The following CSMD3 variants were observed in gnomAD, a reference collection of about 807,000 sequenced individuals.
The protein encoded by CSMD3 is CUB and sushi domain-containing protein 3.
Under a neutral mutation model 435.2 loss-of-function variants are expected in CSMD3, and 177 were observed. The observed-to-expected ratio is 0.41, with a 90% CI of 0.36 to 0.46. The LOEUF (loss-of-function observed/expected upper bound fraction) is 0.46. Among genes scored for constraint, CSMD3 ranks in the 20% least tolerant of loss-of-function variants. The pLI, the probability that CSMD3 is intolerant of heterozygous loss-of-function variation, is 0.34. For synonymous variants in CSMD3, 1,656 were observed against 1,520.5 expected (o/e 1.09, Z -2.07); for missense variants, 4,265 against 4,504.6 (o/e 0.95, Z 1.52).
intron 1 of CSMD3, among the ~76,000 whole-genome samples, chr8:113,392,782 A>G: frequency 6.6e-6 from 1 of 152,064 alleles, no homozygotes; most frequent in East Asian, 1.9e-4. Flanking sequence ...ATTTATGAAG[A>G]ACTTTCATAT....
intron 6 of CSMD3, among the ~76,000 whole-genome samples, chr8:112,991,647 TA>T (rs1379443480): frequency 4.6e-5 from 7 of 151,766 alleles, no homozygotes; most frequent in Admixed American, 1.3e-4. Context: ...TAAAAAGTAA[TA>T]TACCAGTCAG....
At chr8:113,042,115 C>G (rs2087646153) in intron 5 of CSMD3, among the ~76,000 whole-genome samples, 1 of 152,112 alleles carries the variant, frequency 6.6e-6, no homozygotes, top group South Asian at 2.1e-4. Context: ...TCATGAAACA[C>G]TAGCTTCATT....
At chr8:112,741,138 A>G (rs2077295421) in intron 13 of CSMD3, among the ~76,000 whole-genome samples, 1 of 151,854 alleles carries the variant, frequency 6.6e-6, no homozygotes, top group Non-Finnish European at 1.5e-5. Context: ...AGTGTCTAGA[A>G]AGGCAGAAAT....
intron 3 of CSMD3, among the ~76,000 whole-genome samples, chr8:113,264,270 G>A (rs892579643): frequency 6.6e-6 from 1 of 151,506 alleles, no homozygotes; most frequent in South Asian, 2.1e-4. Flanking sequence ...TGGCCTTTGA[G>A]TGAAAAATAG....
chr8:112,352,667 C>T (rs1586851782), intron 38 of CSMD3, 133 bp from the exon 39 acceptor site: 1 of 780,806 alleles, frequency 1.3e-6, no homozygotes, highest in South Asian at 1.4e-5. Flanking sequence ...TGAGAACGTT[C>T]TGTGAACAAG....
intron 70 of CSMD3, among the ~76,000 whole-genome samples, chr8:112,226,890 A>C (rs2129799793): frequency 6.6e-6 from 1 of 152,306 alleles, no homozygotes; most frequent in African/African-American, 2.4e-5. Flanking sequence ...AATAAAAAAC[A>C]AAAGACAAAG....
chr8:112,874,589 A>T (rs934775037), intron 10 of CSMD3, among the ~76,000 whole-genome samples: 8 of 152,080 alleles, frequency 5.3e-5, no homozygotes, highest in Admixed American at 4.6e-4. Flanking sequence ...GTTCTCCTGT[A>T]TTGGGTGCAT....
At chr8:112,500,998 G>A (rs533581071) in intron 30 of CSMD3, among the ~76,000 whole-genome samples, 187 of 152,126 alleles carry the variant, frequency 1.2e-3, no homozygotes, top group Admixed American at 3.9e-3. Context: ...CTCAGACACC[G>A]CTTCCTCAAG....
intron 3 of CSMD3, among the ~76,000 whole-genome samples, chr8:113,198,262 G>T (rs965249100): frequency 6.6e-6 from 1 of 151,118 alleles, no homozygotes; most frequent in Non-Finnish European, 1.5e-5. Context: ...ACTTCCACAC[G>T]TGGATTACTT....
At chr8:112,593,657 A>G (rs1351674804) in intron 22 of CSMD3, among the ~76,000 whole-genome samples, 2 of 152,170 alleles carry the variant, frequency 1.3e-5, no homozygotes, top group Non-Finnish European at 1.5e-5. Context: ...GCAAAATAAG[A>G]CCAAGGTACA....
chr8:112,261,775 G>A (rs1365867258), intron 61 of CSMD3, among the ~76,000 whole-genome samples: 1 of 151,868 alleles, frequency 6.6e-6, no homozygotes, highest in Non-Finnish European at 1.5e-5. Flanking sequence ...CACCCATCAT[G>A]AGTCTATAGA....
intron 3 of CSMD3, among the ~76,000 whole-genome samples, chr8:113,211,721 A>G (rs541828861): frequency 6.6e-6 from 1 of 152,234 alleles, no homozygotes; most frequent in East Asian, 1.9e-4. Flanking sequence ...TAATAAAAGC[A>G]TGCAAAGTTC....
chr8:112,884,416 T>C (rs1231936376), intron 10 of CSMD3, among the ~76,000 whole-genome samples: 3 of 151,784 alleles, frequency 2.0e-5, no homozygotes, highest in Non-Finnish European at 4.4e-5. Flanking sequence ...ATTATCAGAT[T>C]CATGTAGGGT....
At chr8:113,080,580 G>A (rs536904810) in intron 5 of CSMD3, among the ~76,000 whole-genome samples, 1 of 152,088 alleles carries the variant, frequency 6.6e-6, no homozygotes, top group South Asian at 2.1e-4. Context: ...AAAATATAAT[G>A]GAAACCCAAA....
intron 57 of CSMD3, 67 bp downstream of exon 57, chr8:112,289,298 G>A (rs542069421): frequency 1.4e-5 from 18 of 1,257,552 alleles, no homozygotes; most frequent in Admixed American, 6.7e-5. Flanking sequence ...TTGTGTATAC[G>A]TTGCTACTAC....
At chr8:112,909,541 C>T (rs1564092929) in intron 10 of CSMD3, among the ~76,000 whole-genome samples, 1 of 151,616 alleles carries the variant, frequency 6.6e-6, no homozygotes, top group Admixed American at 6.6e-5. Context: ...AATGTTGATA[C>T]TTTTGACAAA....
chr8:113,049,137 G>A (rs989879748), intron 5 of CSMD3, among the ~76,000 whole-genome samples: 5 of 152,120 alleles, frequency 3.3e-5, no homozygotes, highest in Non-Finnish European at 4.4e-5. Context: ...TACTTAGGAG[G>A]GTGAGGCAGG....
intron 4 of CSMD3, among the ~76,000 whole-genome samples, chr8:113,141,885 C>T (rs180751970): frequency 1.3e-5 from 2 of 150,942 alleles, no homozygotes; most frequent in Admixed American, 1.3e-4. Context: ...ATAGAAATTC[C>T]TAAGGAATCT....
In CSMD3 at chr8:112,343,014, T is replaced by C. The variant is rs1825316987; in HGVS notation, c.6443-1328A>G. On this transcript the variant is annotated intron_variant, in intron 41 of 70. Coordinates refer to ENST00000297405, the MANE Select transcript of CSMD3 (RefSeq NM_198123.2). ...ATATATATATATTTATATATATATA[T>C]ATTTATATATATATATATAGTTTAA... is the stretch of plus-strand genomic sequence containing the variant. 3.2e-5 allele frequency among the ~76,000 whole-genome samples: 3 copies of C among 93,690 alleles called. No homozygotes were observed. The East Asian group carries it at 7.5e-4, about 23-fold the overall frequency. The allele number at this position is 93,690 out of a possible 152,430, so 61.5% of individuals were successfully genotyped here.
Sources: allele counts gnomAD v4.1 joint callset (sites outside exome capture counted in the v4.1 genomes callset), GRCh38; gene constraint gnomAD v4.1.1; transcripts MANE v1.5; gene names NCBI Gene and HGNC (gene_info 2026-07-23, HGNC 2026-07-21).